The following DNAH3 variants were observed in gnomAD, a reference collection of about 807,000 sequenced individuals.
DNAH3 encodes the protein dynein axonemal heavy chain 3.
In DNAH3, 332 loss-of-function variants were observed where a neutral mutation model predicts 432.5. That is an observed-to-expected ratio of 0.77 (90% CI 0.70 to 0.84). The LOEUF is 0.84. DNAH3 is among the 40% of genes least tolerant of loss of function. The pLI, the probability that DNAH3 is intolerant of heterozygous loss-of-function variation, is 0.00. For synonymous variants in DNAH3, 1,956 were observed against 1,900.2 expected, an observed-to-expected ratio of 1.03 and a Z score of -0.76; for missense variants, 4,861 against 5,114.0, an observed-to-expected ratio of 0.95 and a Z score of 1.51.
intron 31 of DNAH3, among the ~76,000 whole-genome samples, chr16:21,045,789 C>T (rs2089668264): frequency 6.6e-6 from 1 of 150,730 alleles, no homozygotes; most frequent in Admixed American, 6.6e-5. Flanking sequence ...TTGGATCTTT[C>T]CTGCTTTCTC....
intron 16 of DNAH3, among the ~76,000 whole-genome samples, chr16:21,099,350 A>C (rs554151497): frequency 6.6e-6 from 1 of 152,156 alleles, no homozygotes; most frequent in Non-Finnish European, 1.5e-5. Context: ...CAAACAATAA[A>C]ATATTTCTGT....
At chr16:20,987,054 T>C (rs1012344830) in intron 47 of DNAH3, among the ~76,000 whole-genome samples, 4 of 152,196 alleles carry the variant, frequency 2.6e-5, no homozygotes, top group African/African-American at 9.7e-5. Context: ...CATTCATTTA[T>C]AATGAACTTA....
chr16:21,140,733 C>A, intron 4 of DNAH3, 23 bp from the exon 6 acceptor site: 8 of 1,611,658 alleles, frequency 5.0e-6, no homozygotes, highest in Non-Finnish European at 6.8e-6. Flanking sequence ...CACAGCTCAG[C>A]CCTTGGTGTT....
At chr16:21,031,897 G>A (rs1000982137) in intron 36 of DNAH3, among the ~76,000 whole-genome samples, 28 of 152,122 alleles carry the variant, frequency 1.8e-4, no homozygotes, top group Admixed American at 4.6e-4. Flanking sequence ...GCGTGGTGGC[G>A]CATGCCTGTA....
chr16:21,141,173 C>T (rs1282471141), intron 4 of DNAH3, 127 bp downstream of exon 5: 4 of 713,646 alleles, frequency 5.6e-6, no homozygotes, highest in African/African-American at 1.8e-5. Flanking sequence ...TAAAGTGATT[C>T]GTGGATAAGA....
chr16:20,984,029 GA>G lies in DNAH3; in HGVS notation c.7665+1047del, dbSNP rs61475224. Among the ~76,000 whole-genome samples the G allele has an allele frequency of 8.3e-3, 933 of 112,116 alleles. 10 individuals carry two copies. Among genetic ancestry groups the G allele is most frequent in the African/African-American group, 0.026 (740 of 28,826 alleles). 73.6% of individuals were successfully genotyped at this position (112,116 alleles called of 152,430 possible). A position where few individuals can be genotyped will look rare whatever the true frequency, so the allele number is the denominator to read the frequency against. ...GTGACAGAGCAAGACCCTATATCCA[GA>G]AAAAAAAAAAAAAAAGACAGAAAGG... On this transcript the variant is annotated intron_variant, in intron 48 of 61. Coordinates refer to ENST00000261383, the Ensembl canonical transcript of DNAH3.
At chr16:21,070,304 C>T (rs949390690) in intron 22 of DNAH3, among the ~76,000 whole-genome samples, 12 of 152,208 alleles carry the variant, frequency 7.9e-5, no homozygotes, top group South Asian at 4.1e-4. Context: ...ATTTTTGAGA[C>T]GGAGTTTCAC....
At chr16:21,060,526 C>CTTTTTTTTTTT (rs375746116) in intron 25 of DNAH3, among the ~76,000 whole-genome samples, 170 bp from the exon 26 acceptor site, 435 of 93,090 alleles carry the variant, frequency 4.7e-3, no homozygotes, top group African/African-American at 6.5e-3. Flanking sequence ...TTTTTTTTTT[C>CTTTTTTTTTTT]TTTTTTTTTT....
intron 28 of DNAH3, among the ~76,000 whole-genome samples, chr16:21,052,393 G>C (rs1395842291): frequency 6.6e-6 from 1 of 152,228 alleles, no homozygotes; most frequent in Non-Finnish European, 1.5e-5. Context: ...GCCAGGCAGA[G>C]AATCTGCTGC....
At chr16:21,032,873 C>T (rs2088959003) in intron 36 of DNAH3, among the ~76,000 whole-genome samples, 1 of 152,080 alleles carries the variant, frequency 6.6e-6, no homozygotes, top group Admixed American at 6.5e-5. Flanking sequence ...CCTTTTTCTT[C>T]ACTCAGTTTC....
chr16:21,122,063 A>G (rs139185063), exon 10 of DNAH3: 7 of 1,613,994 alleles, frequency 4.3e-6, no homozygotes, highest in Non-Finnish European at 5.9e-6. Context: ...AAGTTTGATC[A>G]TGATTAGCTG....
intron 54 of DNAH3, among the ~76,000 whole-genome samples, chr16:20,956,507 G>T (rs1306135118): frequency 6.6e-6 from 1 of 152,088 alleles, no homozygotes; most frequent in East Asian, 1.9e-4. Context: ...TATGTTACAT[G>T]CCTGGCCCCT....
At chr16:21,138,479 T>C (rs538683731) in intron 5 of DNAH3, among the ~76,000 whole-genome samples, 1 of 152,264 alleles carries the variant, frequency 6.6e-6, no homozygotes, top group East Asian at 1.9e-4. Flanking sequence ...GTGACCCTTA[T>C]CTTCAGGCAA....
intron 50 of DNAH3, among the ~76,000 whole-genome samples, chr16:20,977,463 A>C (rs1194632646): frequency 1.3e-5 from 2 of 151,926 alleles, no homozygotes; most frequent in Non-Finnish European, 2.9e-5. Context: ...GTTTGCACTC[A>C]CTGGTCATGA....
chr16:21,004,572 T>C (rs1005940166), intron 41 of DNAH3, among the ~76,000 whole-genome samples: 2 of 152,162 alleles, frequency 1.3e-5, no homozygotes, highest in African/African-American at 2.4e-5. Context: ...TTTGCCATGT[T>C]GGCCAGGCTG....
rs1243020532 is a variant in DNAH3 at position 20,959,653 on chromosome 16, ACACC to A, written c.10601-253_10601-250del. On this transcript the variant is annotated intron_variant, in intron 53 of 61. Coordinates refer to ENST00000261383, the Ensembl canonical transcript of DNAH3. ...CACACACACACACACACACACACAC[ACACC>A]CCAACACAAAAGGTGGGGTTCACAT... is the stretch of plus-strand genomic sequence containing the variant. 4.9e-5 allele frequency among the ~76,000 whole-genome samples: 7 copies of A among 141,788 alleles called. No individual in the cohort carries two copies. The South Asian group carries it at 6.9e-4, about 14-fold the overall frequency. The allele number at this position is 141,788 out of a possible 152,430, so 93.0% of individuals were successfully genotyped here.
At chr16:20,957,680 T>TCA (rs773269306) in intron 54 of DNAH3, among the ~76,000 whole-genome samples, 36 of 151,392 alleles carry the variant, frequency 2.4e-4, no homozygotes, top group South Asian at 1.9e-3. Flanking sequence ...TGCATGGTGG[T>TCA]GCATGCCTGT....
intron 21 of DNAH3, among the ~76,000 whole-genome samples, chr16:21,071,230 C>G (rs1236454342): frequency 6.6e-6 from 1 of 152,140 alleles, no homozygotes; most frequent in African/African-American, 2.4e-5. Flanking sequence ...TTAGTAGAGA[C>G]AGGGTTTCAC....
intron 41 of DNAH3, among the ~76,000 whole-genome samples, chr16:21,017,019 G>A (rs2087893254): frequency 6.6e-6 from 1 of 152,122 alleles, no homozygotes; most frequent in Non-Finnish European, 1.5e-5. Flanking sequence ...GGCTTTGGGG[G>A]AGGTACTGTT....
Sources: allele counts gnomAD v4.1 joint callset (sites outside exome capture counted in the v4.1 genomes callset), GRCh38; gene constraint gnomAD v4.1.1; transcripts MANE v1.5; gene names NCBI Gene and HGNC (gene_info 2026-07-23, HGNC 2026-07-21).